PKHD1: variants seen among roughly 807,000 people sequenced by gnomAD.
PKHD1 encodes PKHD1 ciliary IPT domain containing fibrocystin/polyductin, also known as fibrocystin.
Under a neutral mutation model 412.0 loss-of-function variants are expected in PKHD1, and 291 were observed. That is an observed-to-expected ratio of 0.71 (90% CI 0.64 to 0.78). PKHD1 has a LOEUF of 0.78. Among genes scored for constraint, PKHD1 ranks in the 30% least tolerant of loss-of-function variants. PKHD1 has a pLI of 0.00. For missense variants in PKHD1, 4,825 were observed against 4,950.7 expected (o/e 0.97, Z 0.76); for synonymous variants, 1,777 against 1,821.5 (o/e 0.98, Z 0.62).
intron 55 of PKHD1, among the ~76,000 whole-genome samples, chr6:51,765,342 C>T (rs969510801): frequency 6.6e-6 from 1 of 152,088 alleles, no homozygotes; most frequent in Non-Finnish European, 1.5e-5. Flanking sequence ...GTTTTTTAAA[C>T]AAAAATCAGA....
chr6:51,926,330 C>T (rs1471323325), intron 37 of PKHD1, among the ~76,000 whole-genome samples: 6 of 152,126 alleles, frequency 3.9e-5, no homozygotes, highest in Non-Finnish European at 8.8e-5. Context: ...ATTGGAGCAC[C>T]TGGACTCAGC....
intron 11 of PKHD1, among the ~76,000 whole-genome samples, chr6:52,068,476 T>C (rs1434751477): frequency 6.6e-6 from 1 of 152,236 alleles, no homozygotes; most frequent in East Asian, 1.9e-4. Context: ...CTTCCCACCA[T>C]ATATTGGCTA....
intron 52 of PKHD1, among the ~76,000 whole-genome samples, chr6:51,811,240 A>G (rs2151393056): frequency 6.6e-6 from 1 of 152,292 alleles, no homozygotes; most frequent in Non-Finnish European, 1.5e-5. Context: ...GTAGGCTATG[A>G]ATTCACTTTA....
chr6:51,809,713 T>G (rs1247039211), intron 52 of PKHD1, among the ~76,000 whole-genome samples: 1 of 152,032 alleles, frequency 6.6e-6, no homozygotes, highest in Non-Finnish European at 1.5e-5. Context: ...GAATTTTTTG[T>G]TTATATCTAG....
At chr6:51,735,374 T>C (rs995714530) in intron 60 of PKHD1, among the ~76,000 whole-genome samples, 1 of 152,232 alleles carries the variant, frequency 6.6e-6, no homozygotes. Context: ...GTTGTAAGGA[T>C]AAATGAGAGT....
At chr6:51,718,450 G>A (rs1003221723) in intron 60 of PKHD1, among the ~76,000 whole-genome samples, 1 of 152,168 alleles carries the variant, frequency 6.6e-6, no homozygotes, top group African/African-American at 2.4e-5. Flanking sequence ...ACAAAATACT[G>A]TCACAGCCTA....
rs1330665014 is a variant in PKHD1, at chr6:52,043,082, G to C, written c.2874C>G (p.Asp958Glu). ...TCACTGTAACCTGCAAGAACTGGGA[G>C]TCACCAGAGAAACCAGTTCCGGTAA... ...IYITGTGFSG[D>E]SQFLQVTVNK... Residue 958 changes from aspartate to glutamate, a missense_variant, in exon 27 of 67, where the codon GAC becomes GAG. Transcript: ENST00000371117. 1 of 1,613,230 alleles carries C rather than the reference G, an allele frequency of 6.2e-7. No individual in the cohort carries two copies. Among genetic ancestry groups the C allele is most frequent in the Admixed American group, 1.7e-5 (1 of 59,994 alleles).
At chr6:51,684,929 G>A (rs1424069046) in intron 60 of PKHD1, among the ~76,000 whole-genome samples, 3 of 152,076 alleles carry the variant, frequency 2.0e-5, no homozygotes, top group Non-Finnish European at 4.4e-5. Flanking sequence ...TTAGTTTTAT[G>A]AATATTATGT....
chr6:51,819,650 T>C (rs1766049090), intron 52 of PKHD1, among the ~76,000 whole-genome samples: 1 of 152,206 alleles, frequency 6.6e-6, no homozygotes, highest in South Asian at 2.1e-4. Context: ...ATTTTGCTCA[T>C]CATTTTATCT....
chr6:51,967,998 C>G (rs1793087983), intron 35 of PKHD1, among the ~76,000 whole-genome samples: 1 of 152,136 alleles, frequency 6.6e-6, no homozygotes, highest in African/African-American at 2.4e-5. Flanking sequence ...TCCGCAGTTT[C>G]ATACACCAGG....
intron 36 of PKHD1, among the ~76,000 whole-genome samples, chr6:51,958,844 C>T (rs951372931): frequency 2.3e-5 from 3 of 131,804 alleles, no homozygotes; most frequent in Non-Finnish European, 5.0e-5. Flanking sequence ...CACACAAACA[C>T]ACACACACAA....
intron 60 of PKHD1, among the ~76,000 whole-genome samples, chr6:51,690,925 G>A (rs1268918655): frequency 6.6e-6 from 1 of 151,968 alleles, no homozygotes; most frequent in Admixed American, 6.6e-5. Context: ...TCTGACAAAG[G>A]TCTAATATCC....
intron 35 of PKHD1, among the ~76,000 whole-genome samples, chr6:51,989,951 G>A (rs1459437732): frequency 9.6e-6 from 1 of 104,562 alleles, no homozygotes; most frequent in Non-Finnish European, 2.0e-5. Context: ...AAGGAAGAAA[G>A]GAAGGAAAGA....
intron 48 of PKHD1, among the ~76,000 whole-genome samples, chr6:51,862,102 A>G (rs1774287208): frequency 6.6e-6 from 1 of 152,230 alleles, no homozygotes; most frequent in Non-Finnish European, 1.5e-5. Context: ...TATGCATACC[A>G]GAGCTGTGAT....
intron 37 of PKHD1, among the ~76,000 whole-genome samples, chr6:51,924,181 T>A (rs1406006584): frequency 6.6e-6 from 1 of 152,212 alleles, no homozygotes; most frequent in East Asian, 1.9e-4. Flanking sequence ...ATTGCTTTGA[T>A]GATGCATATG....
chr6:52,069,888 A>G (rs889393151), intron 10 of PKHD1, among the ~76,000 whole-genome samples: 4 of 152,184 alleles, frequency 2.6e-5, no homozygotes, highest in Non-Finnish European at 5.9e-5. Context: ...CTGTATAGCT[A>G]TAATTGTCAC....
chr6:52,066,272 C>T (rs73739128), intron 11 of PKHD1, among the ~76,000 whole-genome samples, 195 bp from the exon 12 acceptor site: 1 of 151,882 alleles, frequency 6.6e-6, no homozygotes, highest in Non-Finnish European at 1.5e-5. Context: ...TATATATTAT[C>T]GAGGATCAAT....
intron 60 of PKHD1, among the ~76,000 whole-genome samples, chr6:51,702,222 T>TATATATTATATGTATA (rs1562129821): frequency 6.8e-6 from 1 of 147,574 alleles, no homozygotes; most frequent in African/African-American, 2.5e-5. Flanking sequence ...TAATATATTA[T>TATATATTATATGTATA]ATATATGTCA....
chr6:51,626,730 C>G (rs1767283991), intron 66 of PKHD1, among the ~76,000 whole-genome samples: 1 of 152,156 alleles, frequency 6.6e-6, no homozygotes, highest in Non-Finnish European at 1.5e-5. Context: ...TTCCCCTTTC[C>G]TCTATGTAAC....
Sources: allele counts gnomAD v4.1 joint callset (sites outside exome capture counted in the v4.1 genomes callset), GRCh38; gene constraint gnomAD v4.1.1; transcripts MANE v1.5; gene names NCBI Gene and HGNC (gene_info 2026-07-23, HGNC 2026-07-21).